Variants in ARPC2 observed in about 807,000 individuals in gnomAD.
ARPC2 encodes the protein actin related protein 2/3 complex subunit 2, also known as actin-related protein 2/3 complex subunit 2.
In ARPC2, 4 loss-of-function variants were observed where a neutral mutation model predicts 38.6. That is an observed-to-expected ratio of 0.10 (90% CI 0.05 to 0.24). ARPC2 has a LOEUF of 0.24. Ranked by LOEUF, ARPC2 falls within the 10% of genes least tolerant of loss-of-function variation. ARPC2 has a pLI of 1.00. For synonymous variants in ARPC2, 125 were observed against 140.8 expected, an observed-to-expected ratio of 0.89 and a Z score of 0.79; for missense variants, 229 against 387.3, an observed-to-expected ratio of 0.59 and a Z score of 3.43.
chr2:218,249,887 C>G lies in ARPC2; in HGVS notation c.844C>G (p.Pro282Ala), dbSNP rs1178833701. 6.2e-7 allele frequency: 1 copy of G among 1,613,562 alleles called. No individual in the cohort carries two copies. The highest frequency in any genetic ancestry group is 8.5e-7 in the Non-Finnish European group (1 of 1,179,810). The change falls in exon 10 of 11, where the codon CCA (proline) becomes GCA (alanine). Residue 282 changes from proline (P) to alanine (A), a missense_variant. By Grantham distance (27) the Pro-to-Ala change is conservative (BLOSUM62 -1). Coordinates refer to ENST00000315717, the MANE Select transcript of ARPC2 (RefSeq NM_152862.3). ...DFLKVLNRAR[P>A]DAEKKEMKTI... The stretch of plus-strand genomic sequence containing the variant: ...CCTCAAGGTGCTGAACCGCGCACGC[C>G]CAGATGCCGAGAAAAAAGAAATGAA...
chr2:218,241,073 C>CA (rs1461583031), intron 7 of ARPC2, among the ~76,000 whole-genome samples: 1 of 152,178 alleles, frequency 6.6e-6, no homozygotes, highest in Non-Finnish European at 1.5e-5. Flanking sequence ...GCTCAGCATT[C>CA]AAAATCTAGT....
intron 8 of ARPC2, among the ~76,000 whole-genome samples, chr2:218,248,137 A>G (rs1288307229): frequency 6.6e-6 from 1 of 152,120 alleles, no homozygotes; most frequent in Non-Finnish European, 1.5e-5. Context: ...CTTACAATTC[A>G]TAGCATGTCA....
At chr2:218,234,621 A>G (rs1689724175) in intron 5 of ARPC2, 1 of 560,470 alleles carries the variant, frequency 1.8e-6, no homozygotes, top group South Asian at 2.1e-5. Flanking sequence ...GACATTTTTA[A>G]CATTTACTTG....
intron 6 of ARPC2, chr2:218,239,144 C>CATAGGTCCATGTTAT: frequency 1.7e-6 from 1 of 574,446 alleles, no homozygotes; most frequent in Non-Finnish European, 3.1e-6. Flanking sequence ...GCAGGGTGAC[C>CATAGGTCCATGTTAT]ATAGGTCCAT....
intron 7 of ARPC2, among the ~76,000 whole-genome samples, chr2:218,243,835 T>C (rs1559482200): frequency 6.6e-6 from 1 of 152,216 alleles, no homozygotes; most frequent in Admixed American, 6.5e-5. Context: ...GCCTTAAATA[T>C]GTTATTTTCC....
intron 7 of ARPC2, among the ~76,000 whole-genome samples, chr2:218,243,778 A>AAAAG (rs1384125716): frequency 6.6e-6 from 1 of 152,218 alleles, no homozygotes; most frequent in African/African-American, 2.4e-5. Context: ...CCTGTCTCAA[A>AAAAG]AAAGAAAGAA....
At chr2:218,252,950 C>G (rs575276853) in intron 10 of ARPC2, 153 of 456,694 alleles carry the variant, frequency 3.4e-4, no homozygotes, top group Non-Finnish European at 5.3e-4. Flanking sequence ...TGCAGCTTCT[C>G]TTTGGCAGAG....
chr2:218,234,366 G>A lies in ARPC2; in HGVS notation c.237G>A (p.Val79=). ...TTATTTTCTAGTTATTAAAGAGGGTGTACGGGAGTTTCTTGGTAAATCCAG... is the reference window on the plus strand; with the variant it reads ...TTATTTTCTAGTTATTAAAGAGGGTATACGGGAGTTTCTTGGTAAATCCAG... The part of the protein sequence containing the change: ...AHGADELLKR[V]YGSFLVNPES... Residue 79 remains valine (V), a synonymous_variant, in exon 5 of 11, where the codon GTG becomes GTA. Transcript: ENST00000315717. 6.2e-7 allele frequency: 1 copy of A among 1,605,276 alleles called. No homozygotes were observed. The highest frequency in any genetic ancestry group is 1.1e-5 in the South Asian group (1 of 90,466).
intron 7 of ARPC2, 69 bp downstream of exon 7, chr2:218,239,553 GA>G: frequency 7.8e-7 from 1 of 1,281,682 alleles, no homozygotes; most frequent in South Asian, 1.2e-5. Flanking sequence ...AACATACCAT[GA>G]GCGTAGGAAA....
intron 5 of ARPC2, among the ~76,000 whole-genome samples, chr2:218,238,393 A>G (rs1689823869): frequency 6.6e-6 from 1 of 152,100 alleles, no homozygotes; most frequent in Non-Finnish European, 1.5e-5. Flanking sequence ...GATTAACATT[A>G]ATTATATATA....
At chr2:218,228,924 TC>T in intron 4 of ARPC2, 74 bp downstream of exon 4, 1 of 986,052 alleles carries the variant, frequency 1.0e-6, no homozygotes, top group East Asian at 2.5e-5. Context: ...TCATGGAAGA[TC>T]CATGGCACTA....
chr2:218,250,549 C>G (rs988573302), intron 10 of ARPC2, among the ~76,000 whole-genome samples: 2 of 151,716 alleles, frequency 1.3e-5, no homozygotes, highest in African/African-American at 4.8e-5. Flanking sequence ...CCTGTAGTCC[C>G]GGCTACTCGG....
chr2:218,249,549 C>T, intron 9 of ARPC2, 85 bp downstream of exon 9: 3 of 1,080,050 alleles, frequency 2.8e-6, no homozygotes, highest in Admixed American at 2.6e-5. Flanking sequence ...TTCCATTAGT[C>T]TACGCTGTGG....
At chr2:218,232,682 G>A (rs1274518065) in intron 4 of ARPC2, among the ~76,000 whole-genome samples, 3 of 151,252 alleles carry the variant, frequency 2.0e-5, no homozygotes, top group South Asian at 2.1e-4. Context: ...CCATTCTCCC[G>A]CCTCAGCCTC....
rs1689566099 is a variant in ARPC2, at chr2:218,228,754, C to T, written c.126C>T (p.Leu42=). The part of the protein sequence containing the change: ...EVTFADFDGV[L]YHISNPNGDK... ...TCCTCACAGATTTCGATGGGGTCCT[C>T]TATCATATTTCAAATCCTAATGGAG... The change falls in exon 4 of 11, where the codon CTC becomes CTT. Residue 42 remains leucine, a synonymous_variant. Coordinates refer to ENST00000315717, the MANE Select transcript of ARPC2 (RefSeq NM_152862.3). 1 of 1,599,018 alleles carries T rather than the reference C, an allele frequency of 6.3e-7. No homozygotes were observed. Among genetic ancestry groups the T allele is most frequent in the African/African-American group, 1.3e-5 (1 of 74,494 alleles).
chr2:218,239,547 T>C, intron 7 of ARPC2, 63 bp downstream of exon 7: 2 of 1,329,110 alleles, frequency 1.5e-6, no homozygotes, highest in South Asian at 1.2e-5. Flanking sequence ...CACCCAAACA[T>C]ACCATGAGCG....
intron 3 of ARPC2, among the ~76,000 whole-genome samples, chr2:218,227,843 C>T (rs1261518408): frequency 6.6e-6 from 1 of 152,110 alleles, no homozygotes. Flanking sequence ...CCACCCACCT[C>T]GGCCTCCCAA....
chr2:218,221,942 G>A (rs1245422203), intron 2 of ARPC2, among the ~76,000 whole-genome samples: 1 of 152,192 alleles, frequency 6.6e-6, no homozygotes, highest in Non-Finnish European at 1.5e-5. Context: ...GACATAAGAA[G>A]GGATAAGTAG....
intron 3 of ARPC2, chr2:218,226,859 T>C (rs1006146870): frequency 4.6e-6 from 1 of 215,970 alleles, no homozygotes; most frequent in East Asian, 1.5e-4. Flanking sequence ...TTCAAGTAGC[T>C]GTCAGTCTTA....
Sources: allele counts gnomAD v4.1 joint callset (sites outside exome capture counted in the v4.1 genomes callset), GRCh38; gene constraint gnomAD v4.1.1; transcripts MANE v1.5; gene names NCBI Gene and HGNC (gene_info 2026-07-23, HGNC 2026-07-21).